The following LRRC31 variants were observed in gnomAD, a reference collection of about 807,000 sequenced individuals.
LRRC31 encodes the protein leucine rich repeat containing 31.
In LRRC31, 35 loss-of-function variants were observed where a neutral mutation model predicts 46.7. That is an observed-to-expected ratio of 0.75 (90% confidence interval 0.57 to 0.99). The LOEUF is 0.99. Ranked by LOEUF, LRRC31 falls within the 50% of genes least tolerant of loss-of-function variation. The pLI is 0.00. For synonymous variants in LRRC31, 236 were observed against 235.1 expected (o/e 1.00, Z -0.03); for missense variants, 613 against 626.1 (o/e 0.98, Z 0.22).
chr3:169,861,070 C>CTTTTT (rs11337221), intron 2 of LRRC31, among the ~76,000 whole-genome samples: 2,460 of 124,926 alleles, frequency 0.02, 83 homozygotes, highest in African/African-American at 0.07. Context: ...TTTTCTTTTC[C>CTTTTT]TTTTTTTTTT....
intron 2 of LRRC31, among the ~76,000 whole-genome samples, 159 bp downstream of exon 2, chr3:169,861,511 T>TC (rs1218434515): frequency 6.7e-6 from 1 of 148,266 alleles, no homozygotes; most frequent in Non-Finnish European, 1.5e-5. Context: ...AGAGCGAGAC[T>TC]CCGTCTCAAA....
chr3:169,852,234 T>C (rs1406549608), intron 6 of LRRC31, among the ~76,000 whole-genome samples: 2 of 132,454 alleles, frequency 1.5e-5, no homozygotes, highest in Admixed American at 7.5e-5. Context: ...CCGTCTCTAC[T>C]AAAAAAAAAA....
chr3:169,857,378 A>G (rs1245180663), intron 3 of LRRC31, among the ~76,000 whole-genome samples: 1 of 139,888 alleles, frequency 7.1e-6, no homozygotes, highest in East Asian at 2.2e-4. Context: ...ACAAGTATAT[A>G]TATACACATA....
intron 1 of LRRC31, among the ~76,000 whole-genome samples, chr3:169,867,419 G>A (rs576174897): frequency 4.1e-4 from 62 of 151,192 alleles, no homozygotes; most frequent in African/African-American, 1.2e-3. Context: ...TACCACACCC[G>A]GCTACTTTTT....
chr3:169,859,364 T>C (rs1420282795), intron 3 of LRRC31, among the ~76,000 whole-genome samples: 1 of 151,836 alleles, frequency 6.6e-6, no homozygotes, highest in Non-Finnish European at 1.5e-5. Flanking sequence ...ACCTGAGATG[T>C]GTAATGTTTC....
At chr3:169,859,129 C>A (rs1216552220) in intron 3 of LRRC31, among the ~76,000 whole-genome samples, 1 of 147,972 alleles carries the variant, frequency 6.8e-6, no homozygotes, top group African/African-American at 2.5e-5. Context: ...GCCTAAAATA[C>A]AAAAAAATAC....
intron 8 of LRRC31, among the ~76,000 whole-genome samples, chr3:169,846,887 C>T (rs1429975165): frequency 3.3e-5 from 5 of 152,172 alleles, no homozygotes; most frequent in Admixed American, 1.3e-4. Flanking sequence ...TGTTTGAGTG[C>T]GGTGCTTCCA....
rs943087730 is a variant in LRRC31 at position 169,847,992 on chromosome 3, G to A, written c.1327+128C>T. ...TAGACCTCTCGGCAGATGTTGGTGA[G>A]AAGGGAATCTGCACAGAGGGCTTCA... On this transcript the variant is annotated intron_variant, in intron 8 of 8. Transcript: ENST00000316428. The A allele has an allele frequency of 1.7e-5, 14 of 815,480 alleles. No homozygotes were observed. The South Asian group carries it at 2.8e-4, about 16-fold the overall frequency. The allele number at this position is 815,480 out of a possible 1,614,324, so 50.5% of individuals were successfully genotyped here.
At chr3:169,865,077 A>C (rs1217241713) in intron 1 of LRRC31, among the ~76,000 whole-genome samples, 4 of 145,824 alleles carry the variant, frequency 2.7e-5, no homozygotes, top group Non-Finnish European at 4.5e-5. Flanking sequence ...CTCCATCTCA[A>C]AAAAAAAAAA....
intron 6 of LRRC31, chr3:169,853,313 A>G (rs1396644995): frequency 1.0e-6 from 1 of 985,236 alleles, no homozygotes; most frequent in Non-Finnish European, 1.2e-6. Flanking sequence ...CGTAAAGTAC[A>G]AAGCAGGATG....
At chr3:169,867,696 T>A (rs1781374026) in intron 1 of LRRC31, among the ~76,000 whole-genome samples, 1 of 152,198 alleles carries the variant, frequency 6.6e-6, no homozygotes, top group Non-Finnish European at 1.5e-5. Flanking sequence ...AGTAGGTGAC[T>A]ATGGGGATTC....
intron 8 of LRRC31, among the ~76,000 whole-genome samples, chr3:169,847,429 C>T (rs1419419005): frequency 6.6e-6 from 1 of 152,218 alleles, no homozygotes; most frequent in Non-Finnish European, 1.5e-5. Flanking sequence ...AAGTGATCCG[C>T]CAGCCTCGGC....
In LRRC31 at chr3:169,864,580, G is replaced by A. The variant is rs528944775; in HGVS notation, c.176-2767C>T. Among the ~76,000 whole-genome samples, 92 of 152,282 alleles carry A rather than the reference G, an allele frequency of 6.0e-4. 2 individuals are homozygous for A. In the South Asian group the frequency reaches 0.019, roughly 31 times the overall value. ...TCCTATGCACATGGTAATCTGCAGG[G>A]CCTTTTACCTGAGAGGTATTTGGTA... On this transcript the variant is annotated intron_variant, in intron 1 of 8. Coordinates refer to ENST00000316428, the MANE Select transcript of LRRC31 (RefSeq NM_024727.4).
Position 169,854,892 on chromosome 3 carries a change from A to C in LRRC31, c.912T>G (p.Ala304=), listed in dbSNP as rs200958198. ...DLGGGFEDSP[A]QLVMLKHLQV... Reference sequence around the variant, plus strand: ...GTAGATGCTTTAGCATGACCAACTGAGCCGGCGAGTCTTCAAAACCTCCAC... The same window carrying C: ...GTAGATGCTTTAGCATGACCAACTGCGCCGGCGAGTCTTCAAAACCTCCAC... Residue 304 remains alanine (A), a synonymous_variant, in exon 6 of 9, where the codon GCT becomes GCG. Transcript: ENST00000316428. 3.7e-6 allele frequency: 6 copies of C among 1,613,856 alleles called. No homozygotes were observed. The African/African-American group carries it at 8.0e-5, about 22-fold the overall frequency.
chr3:169,867,246 C>CT lies in LRRC31; in HGVS notation c.175+2386dup, dbSNP rs757102934. ...TTAAACTATTTTCTAGAGATGGAGT[C>CT]TTTTTTTTTTTTTTTTTTTTTGAGA... On this transcript the variant is annotated intron_variant, in intron 1 of 8. Coordinates refer to ENST00000316428, the MANE Select transcript of LRRC31 (RefSeq NM_024727.4). Among the ~76,000 whole-genome samples the CT allele has an allele frequency of 9.4e-3, 740 of 78,778 alleles. 18 individuals carry two copies. Among genetic ancestry groups the CT allele is most frequent in the African/African-American group, 0.029 (432 of 15,134 alleles). 51.7% of individuals were successfully genotyped at this position (78,778 alleles called of 152,430 possible).
At chr3:169,865,428 T>G (rs1781301302) in intron 1 of LRRC31, among the ~76,000 whole-genome samples, 1 of 148,834 alleles carries the variant, frequency 6.7e-6, no homozygotes, top group South Asian at 2.2e-4. Context: ...GATTGAGGCC[T>G]TTTCCTAGCT....
At chr3:169,862,244 C>A (rs554750087) in intron 1 of LRRC31, among the ~76,000 whole-genome samples, 1 of 152,290 alleles carries the variant, frequency 6.6e-6, no homozygotes, top group South Asian at 2.1e-4. Flanking sequence ...GTTGAAATCA[C>A]CATCAAGGAG....
intron 8 of LRRC31, among the ~76,000 whole-genome samples, chr3:169,845,425 A>C (rs1780574112): frequency 1.3e-5 from 2 of 152,208 alleles, no homozygotes; most frequent in African/African-American, 4.8e-5. Flanking sequence ...AAAAGAAACA[A>C]AGAATACTTA....
chr3:169,857,318 C>CTA (rs34162537), intron 3 of LRRC31, among the ~76,000 whole-genome samples: 7,036 of 66,234 alleles, frequency 0.11, 511 homozygotes, highest in Middle Eastern at 0.15. Flanking sequence ...TATCACATGC[C>CTA]TATATATATA....
Sources: gnomAD v4.1 joint callset for allele counts (sites outside exome capture counted in the v4.1 genomes callset) on GRCh38, gnomAD v4.1.1 for gene constraint, MANE v1.5 for transcripts, NCBI Gene and HGNC (gene_info 2026-07-23, HGNC 2026-07-21) for gene names.